The following MYRFL variants were observed in gnomAD, a reference collection of about 807,000 sequenced individuals.
MYRFL encodes the protein myelin regulatory factor-like protein.
In MYRFL, 88 loss-of-function variants were observed where a neutral mutation model predicts 109.4. That is an observed-to-expected ratio of 0.80 (90% CI 0.68 to 0.96). The LOEUF (loss-of-function observed/expected upper bound fraction) is 0.96. Ranked by LOEUF, MYRFL falls within the 40% of genes least tolerant of loss-of-function variation. The pLI is 0.00. For missense variants in MYRFL, 957 were observed against 954.9 expected, an observed-to-expected ratio of 1.00 and a Z score of -0.03; for synonymous variants, 324 against 320.9, an observed-to-expected ratio of 1.01 and a Z score of -0.10.
intron 16 of MYRFL, among the ~76,000 whole-genome samples, chr12:69,935,761 T>C (rs1955431892): frequency 6.6e-6 from 1 of 152,220 alleles, no homozygotes; most frequent in Admixed American, 6.5e-5. Context: ...TCTGACTCTT[T>C]CCTGCAAGGA....
intron 2 of MYRFL, 28 bp downstream of exon 2, chr12:69,855,398 T>C (rs1884214612): frequency 4.3e-6 from 3 of 700,670 alleles, no homozygotes; most frequent in Non-Finnish European, 5.2e-6. Context: ...TGCTCTCTAG[T>C]TGATGTTTAA....
chr12:69,891,680 T>TCCTC (rs1886899606), intron 7 of MYRFL, among the ~76,000 whole-genome samples: 1 of 112,970 alleles, frequency 8.9e-6, no homozygotes. Flanking sequence ...TTTCTTTCTT[T>TCCTC]CTTTCGTTCG....
intron 1 of MYRFL, among the ~76,000 whole-genome samples, chr12:69,841,724 G>A (rs142187336): frequency 1.7e-4 from 26 of 152,214 alleles, no homozygotes; most frequent in Non-Finnish European, 3.5e-4. Context: ...CTCCTGTTGA[G>A]TCATTAAAGT....
chr12:69,887,440 T>G (rs1366667588), intron 6 of MYRFL, among the ~76,000 whole-genome samples: 1 of 152,214 alleles, frequency 6.6e-6, no homozygotes, highest in African/African-American at 2.4e-5. Context: ...TCGTGGTAGA[T>G]GGTTTCTTTA....
chr12:69,834,556 G>T (rs955456708), intron 1 of MYRFL, among the ~76,000 whole-genome samples: 4 of 152,168 alleles, frequency 2.6e-5, no homozygotes, highest in Non-Finnish European at 4.4e-5. Flanking sequence ...GAAGATTAAT[G>T]ATAAAACGTT....
intron 19 of MYRFL, among the ~76,000 whole-genome samples, chr12:69,949,054 C>T (rs552816601): frequency 1.3e-5 from 2 of 152,264 alleles, no homozygotes; most frequent in East Asian, 1.9e-4. Context: ...ATCTGGGATA[C>T]AACAGTGAAC....
At chr12:69,857,660 A>G (rs1884380214) in intron 2 of MYRFL, among the ~76,000 whole-genome samples, 1 of 151,520 alleles carries the variant, frequency 6.6e-6, no homozygotes, top group Admixed American at 6.6e-5. Flanking sequence ...TTCAATTTTT[A>G]GTTCCAATTA....
chr12:69,901,195 T>G (rs1478635341), intron 10 of MYRFL, among the ~76,000 whole-genome samples: 1 of 152,176 alleles, frequency 6.6e-6, no homozygotes. Context: ...TAAAAATATT[T>G]TAGACATTTT....
chr12:69,933,937 T>TATC (rs1340942240), intron 16 of MYRFL, among the ~76,000 whole-genome samples: 1 of 152,202 alleles, frequency 6.6e-6, no homozygotes, highest in African/African-American at 2.4e-5. Context: ...TTGGGTTTGT[T>TATC]ATCTTGCCTC....
chr12:69,867,525 G>A (rs537609643), intron 2 of MYRFL, among the ~76,000 whole-genome samples: 11 of 152,272 alleles, frequency 7.2e-5, no homozygotes, highest in South Asian at 4.1e-4. Flanking sequence ...TTTGAATAGG[G>A]GACGTCACAG....
intron 1 of MYRFL, among the ~76,000 whole-genome samples, chr12:69,851,668 T>A (rs987853774): frequency 1.3e-5 from 2 of 152,170 alleles, no homozygotes; most frequent in South Asian, 4.1e-4. Context: ...TTACATAATA[T>A]TTTATTTTGA....
intron 19 of MYRFL, 49 bp downstream of exon 19, chr12:69,936,681 T>C (rs1177933659): frequency 2.1e-6 from 3 of 1,420,124 alleles, no homozygotes; most frequent in South Asian, 1.5e-5. Flanking sequence ...CTTGAGGTTG[T>C]TTTTCTTGTC....
chr12:69,937,234 A>G (rs1955497837), intron 19 of MYRFL, among the ~76,000 whole-genome samples: 1 of 152,170 alleles, frequency 6.6e-6, no homozygotes, highest in Non-Finnish European at 1.5e-5. Flanking sequence ...TATCCATAAG[A>G]TTACATACAA....
chr12:69,866,019 G>A (rs1464108535), intron 2 of MYRFL, among the ~76,000 whole-genome samples: 1 of 152,156 alleles, frequency 6.6e-6, no homozygotes, highest in African/African-American at 2.4e-5. Flanking sequence ...AGGATAAGGT[G>A]CAGAGAGGTT....
chr12:69,860,950 A>G (rs372372649), intron 2 of MYRFL, among the ~76,000 whole-genome samples: 2 of 134,676 alleles, frequency 1.5e-5, no homozygotes, highest in African/African-American at 2.8e-5. Context: ...TCCTGTGTCC[A>G]TGTGTTCTCA....
At chr12:69,895,203 A>G (rs1458876307) in intron 8 of MYRFL, among the ~76,000 whole-genome samples, 168 bp from the exon 9 acceptor site, 1 of 152,208 alleles carries the variant, frequency 6.6e-6, no homozygotes. Context: ...ATTCCTGACC[A>G]TGCTGTGGAT....
At chr12:69,873,281 G>A (rs1438947437) in intron 2 of MYRFL, among the ~76,000 whole-genome samples, 1 of 151,778 alleles carries the variant, frequency 6.6e-6, no homozygotes, top group Non-Finnish European at 1.5e-5. Context: ...ATCTCATAAC[G>A]TTTTTTACAA....
chr12:69,860,851 T>C (rs1884609653), intron 2 of MYRFL, among the ~76,000 whole-genome samples: 1 of 144,668 alleles, frequency 6.9e-6, no homozygotes, highest in Non-Finnish European at 1.5e-5. Context: ...TAACTCATCA[T>C]TTAGCATTAG....
intron 10 of MYRFL, among the ~76,000 whole-genome samples, chr12:69,902,943 C>T (rs539515295): frequency 6.6e-6 from 1 of 152,304 alleles, no homozygotes; most frequent in Non-Finnish European, 1.5e-5. Context: ...CTTGTAGTTC[C>T]AGCTCCAGAA....
Sources: gnomAD v4.1 joint callset for allele counts (sites outside exome capture counted in the v4.1 genomes callset) on GRCh38, gnomAD v4.1.1 for gene constraint, MANE v1.5 for transcripts, NCBI Gene and HGNC (gene_info 2026-07-23, HGNC 2026-07-21) for gene names.